The following MEGF11 variants were observed in gnomAD, a reference collection of about 807,000 sequenced individuals.
MEGF11 encodes multiple epidermal growth factor-like domains protein 11.
MEGF11 carries 126 observed loss-of-function variants against 146.6 expected under a neutral mutation model. The observed-to-expected ratio is 0.86, with a 90% CI of 0.74 to 1.00. MEGF11 has a LOEUF of 1.00. MEGF11 is among the 50% of genes least tolerant of loss of function. The pLI is 0.00. For missense variants in MEGF11, 1,509 were observed against 1,521.2 expected (o/e 0.99, Z 0.13); for synonymous variants, 532 against 583.4 (o/e 0.91, Z 1.27).
At chr15:66,240,881 G>A (rs760789432) in intron 1 of MEGF11, among the ~76,000 whole-genome samples, 30 of 152,174 alleles carry the variant, frequency 2.0e-4, no homozygotes, top group Non-Finnish European at 1.8e-4. Flanking sequence ...TGTGTCTTCC[G>A]TGGCATCAGA....
intron 1 of MEGF11, among the ~76,000 whole-genome samples, chr15:66,167,517 G>A (rs145437407): frequency 6.6e-5 from 10 of 152,094 alleles, no homozygotes; most frequent in South Asian, 2.1e-4. Flanking sequence ...TGGTGGCGCC[G>A]GCCTGTAATC....
intron 9 of MEGF11, among the ~76,000 whole-genome samples, chr15:65,960,342 G>T (rs1278027315): frequency 6.6e-6 from 1 of 152,256 alleles, no homozygotes; most frequent in Non-Finnish European, 1.5e-5. Context: ...TGTAAAGGAT[G>T]AGTGTTCAAA....
chr15:66,171,591 C>T (rs187531272), intron 1 of MEGF11, among the ~76,000 whole-genome samples: 2 of 152,128 alleles, frequency 1.3e-5, no homozygotes, highest in Non-Finnish European at 2.9e-5. Flanking sequence ...TCCAGAGGCT[C>T]TCTCTAGCTT....
rs149527059 is a variant in MEGF11 at position 66,192,140 on chromosome 15, T to C, written c.-9+61465A>G. On this transcript the variant is annotated intron_variant, in intron 1 of 25. Coordinates refer to ENST00000395614, the MANE Select transcript of MEGF11 (RefSeq NM_001385028.1). Reference sequence around the variant, plus strand: ...TAAATAAATGGTAGTTCAACAAATATCGAGGGCTTACTCTGAACAAGGCAT... The same window carrying C: ...TAAATAAATGGTAGTTCAACAAATACCGAGGGCTTACTCTGAACAAGGCAT... Among the ~76,000 whole-genome samples the C allele has an allele frequency of 3.0e-3, 460 of 151,264 alleles. 8 individuals are homozygous for C. The East Asian group carries it at 0.047, about 16-fold the overall frequency.
At chr15:66,019,964 C>T (rs2083049498) in intron 5 of MEGF11, among the ~76,000 whole-genome samples, 1 of 152,176 alleles carries the variant, frequency 6.6e-6, no homozygotes. Flanking sequence ...CAAGACAGCC[C>T]ATGGCCACTC....
chr15:66,009,241 GTTTTTTTTT>G (rs10540363), intron 5 of MEGF11, among the ~76,000 whole-genome samples: 2 of 143,072 alleles, frequency 1.4e-5, no homozygotes, highest in Non-Finnish European at 3.0e-5. Flanking sequence ...GTTAACCTAA[GTTTTTTTTT>G]TTTTTTTTTT....
At chr15:65,992,039 G>C (rs1226055801) in intron 5 of MEGF11, among the ~76,000 whole-genome samples, 1 of 152,240 alleles carries the variant, frequency 6.6e-6, no homozygotes, top group African/African-American at 2.4e-5. Context: ...GTGCTCCACT[G>C]TCAGGCTAGA....
At chr15:65,995,583 G>C (rs550910832) in intron 5 of MEGF11, among the ~76,000 whole-genome samples, 2 of 152,346 alleles carry the variant, frequency 1.3e-5, no homozygotes, top group South Asian at 4.1e-4. Context: ...CACTGGGCTA[G>C]GCGCAGGTCA....
intron 1 of MEGF11, among the ~76,000 whole-genome samples, chr15:66,131,077 C>G (rs1484518996): frequency 6.6e-6 from 1 of 152,224 alleles, no homozygotes; most frequent in Non-Finnish European, 1.5e-5. Flanking sequence ...TGGTTCTCTT[C>G]CCTCTGGTCC....
chr15:66,095,512 G>A (rs535695296), intron 4 of MEGF11, among the ~76,000 whole-genome samples: 8 of 152,360 alleles, frequency 5.3e-5, no homozygotes, highest in South Asian at 2.1e-4. Flanking sequence ...TAGGGGAGCA[G>A]ATGGTCCCCT....
chr15:66,187,685 G>GA (rs1199673979), intron 1 of MEGF11, among the ~76,000 whole-genome samples: 4 of 65,098 alleles, frequency 6.1e-5, no homozygotes, highest in African/African-American at 3.7e-4. Flanking sequence ...GGAACAGAGA[G>GA]AAAAATGCCA....
chr15:66,056,075 C>T (rs181662797), intron 5 of MEGF11, among the ~76,000 whole-genome samples: 1 of 152,168 alleles, frequency 6.6e-6, no homozygotes, highest in African/African-American at 2.4e-5. Flanking sequence ...GAGTGTCAGG[C>T]TCCACATTTC....
intron 5 of MEGF11, among the ~76,000 whole-genome samples, chr15:66,024,091 C>A (rs765857572): frequency 7.2e-5 from 11 of 152,216 alleles, no homozygotes; most frequent in Non-Finnish European, 1.2e-4. Flanking sequence ...CTGGTTCGTT[C>A]CTGGGGAACC....
intron 19 of MEGF11, 35 bp downstream of exon 19, chr15:65,915,435 C>A: frequency 6.2e-7 from 1 of 1,607,232 alleles, no homozygotes; most frequent in Non-Finnish European, 8.5e-7. Context: ...GGGGCCCTTT[C>A]CACAGACCCC....
intron 15 of MEGF11, among the ~76,000 whole-genome samples, chr15:65,918,891 T>A (rs1221278249): frequency 6.6e-6 from 1 of 152,252 alleles, no homozygotes; most frequent in Admixed American, 6.5e-5. Context: ...ACCTGCTTTC[T>A]ACAGCTTGAG....
rs1442135229 is a variant in MEGF11 at position 65,899,029 on chromosome 15, G to A, written c.3056-95C>T. 4 of 1,234,014 alleles carry A rather than the reference G, an allele frequency of 3.2e-6. No homozygotes were observed. In the African/African-American group the frequency reaches 6.0e-5, roughly 19 times the overall value. The allele number at this position is 1,234,014 out of a possible 1,614,324, so 76.4% of individuals were successfully genotyped here. On this transcript the variant is annotated intron_variant, in intron 24 of 25. Transcript: ENST00000395614. ...TGCAGTTGAGTTTATGTGCCTTCAG[G>A]ATCTTAGAGCTGGAAAAGCCAGGAT... is the stretch of plus-strand genomic sequence containing the variant.
At chr15:66,200,916 T>C (rs944690033) in intron 1 of MEGF11, among the ~76,000 whole-genome samples, 3 of 151,980 alleles carry the variant, frequency 2.0e-5, no homozygotes, top group East Asian at 1.9e-4. Flanking sequence ...TTATTGCCAC[T>C]GAGATCCAAA....
At chr15:66,127,880 C>T (rs568579202) in intron 2 of MEGF11, among the ~76,000 whole-genome samples, 15 of 152,312 alleles carry the variant, frequency 9.8e-5, no homozygotes, top group African/African-American at 2.9e-4. Context: ...GCTGGGGCCA[C>T]ACATCCAAGC....
At chr15:66,008,407 GCGCGCACACACACACACACACACA>G (rs57798221) in intron 5 of MEGF11, among the ~76,000 whole-genome samples, 27,076 of 82,238 alleles carry the variant, frequency 0.33, 3,058 homozygotes, top group East Asian at 0.66. Context: ...GCACACGCGC[GCGCGCACACACACACACACACACA>G]CACACACACA....
Sources: gnomAD v4.1 joint callset for allele counts (sites outside exome capture counted in the v4.1 genomes callset) on GRCh38, gnomAD v4.1.1 for gene constraint, MANE v1.5 for transcripts, NCBI Gene and HGNC (gene_info 2026-07-23, HGNC 2026-07-21) for gene names.